Variants in SYNE3 observed in about 807,000 individuals in gnomAD.
SYNE3 encodes spectrin repeat containing nuclear envelope family member 3.
A neutral mutation model predicts 111.2 loss-of-function variants in SYNE3; 100 were observed. That is an observed-to-expected ratio of 0.90 (90% confidence interval 0.77 to 1.06). The LOEUF is 1.06. Among genes scored for constraint, SYNE3 ranks in the 50% least tolerant of loss-of-function variants. The probability of loss-of-function intolerance (pLI) is 0.00; values close to 1 mark genes in which losing one functional copy is unlikely to be tolerated. For synonymous variants in SYNE3, 547 were observed against 533.9 expected, an observed-to-expected ratio of 1.02 and a Z score of -0.34; for missense variants, 1,160 against 1,240.3, an observed-to-expected ratio of 0.94 and a Z score of 0.97.
At chr14:95,503,695 T>G (rs1258792798) in intron 1 of SYNE3, among the ~76,000 whole-genome samples, 1 of 137,844 alleles carries the variant, frequency 7.3e-6, no homozygotes, top group Non-Finnish European at 1.5e-5. Context: ...CACAGTTCAC[T>G]ACAGCCTCGA....
intron 1 of SYNE3, among the ~76,000 whole-genome samples, chr14:95,481,781 C>T (rs1419520536): frequency 1.3e-5 from 2 of 152,224 alleles, no homozygotes; most frequent in African/African-American, 4.8e-5. Flanking sequence ...ATCTGGACAC[C>T]AGCTCCCTTT....
intron 4 of SYNE3, among the ~76,000 whole-genome samples, chr14:95,457,766 C>T (rs1031761640): frequency 2.0e-5 from 3 of 152,176 alleles, no homozygotes; most frequent in Non-Finnish European, 2.9e-5. Context: ...CTGACCACTC[C>T]ATAAGGGGGT....
chr14:95,409,217 A>T lies in SYNE3; in HGVS notation c.*8609T>A. The T allele has an allele frequency of 2.2e-6, 1 of 456,764 alleles. No individual in the cohort carries two copies. Among genetic ancestry groups the T allele is most frequent in the Non-Finnish European group, 4.4e-6 (1 of 226,974 alleles). The allele number at this position is 456,764 out of a possible 1,614,324, so 28.3% of individuals were successfully genotyped here. A position where few individuals can be genotyped will look rare whatever the true frequency, so the allele number is the denominator to read the frequency against. On this transcript the variant is annotated 3_prime_UTR_variant, in exon 18 of 18. Coordinates refer to ENST00000682763, the MANE Select transcript of SYNE3 (RefSeq NM_152592.6). ...GTCCCAAATTTACCACTCCCCGCCTAGCTGGCTGCTCTGAGGCAGGCTGCT... is the reference window on the plus strand; with the variant it reads ...GTCCCAAATTTACCACTCCCCGCCTTGCTGGCTGCTCTGAGGCAGGCTGCT...
intron 17 of SYNE3, among the ~76,000 whole-genome samples, chr14:95,431,474 A>G (rs185674243): frequency 5.9e-5 from 9 of 152,354 alleles, no homozygotes; most frequent in Non-Finnish European, 1.5e-5. Context: ...TGGCCAATAC[A>G]TAGCATCTCG....
At chr14:95,468,051 G>A (rs1888304438) in intron 2 of SYNE3, 84 bp from the exon 3 acceptor site, 2 of 1,467,580 alleles carry the variant, frequency 1.4e-6, no homozygotes, top group Admixed American at 2.1e-5. Flanking sequence ...ATGGTGCAAA[G>A]AGCCAGGACT....
At chr14:95,494,202 A>G (rs1218205748) in intron 1 of SYNE3, among the ~76,000 whole-genome samples, 1 of 152,170 alleles carries the variant, frequency 6.6e-6, no homozygotes, top group Non-Finnish European at 1.5e-5. Flanking sequence ...CGGTGCCACT[A>G]GGGCCTATAG....
intron 11 of SYNE3, among the ~76,000 whole-genome samples, chr14:95,442,601 T>G (rs1376261922): frequency 6.6e-6 from 1 of 152,156 alleles, no homozygotes; most frequent in Non-Finnish European, 1.5e-5. Context: ...TTTCCACTTG[T>G]CCTCAGGCCA....
At chr14:95,428,340 T>TG (rs1200832968) in intron 17 of SYNE3, among the ~76,000 whole-genome samples, 1 of 152,100 alleles carries the variant, frequency 6.6e-6, no homozygotes, top group East Asian at 1.9e-4. Flanking sequence ...AATCTCAGGT[T>TG]GGGGGTGACG....
intron 10 of SYNE3, chr14:95,444,224 A>G (rs1035429540): frequency 8.3e-6 from 4 of 479,568 alleles, no homozygotes; most frequent in East Asian, 3.2e-5. Flanking sequence ...ACAAATACCA[A>G]TGTTAGACTT....
chr14:95,459,058 A>C (rs1193751447), intron 4 of SYNE3, among the ~76,000 whole-genome samples: 1 of 152,212 alleles, frequency 6.6e-6, no homozygotes, highest in African/African-American at 2.4e-5. Context: ...TGTTTCTGTC[A>C]AGGGCCACCC....
chr14:95,433,307 G>A lies in SYNE3; in HGVS notation c.2641C>T (p.Gln881Ter). 6.2e-7 allele frequency: 1 copy of A among 1,614,176 alleles called. No homozygotes were observed. The highest frequency in any genetic ancestry group is 8.5e-7 in the Non-Finnish European group (1 of 1,180,026). ...TSDELEDLRY[Q>*]WMLYKSKLKD... ...AGCTTGGACTTGTACAGCATCCACTGGTAGCGCAGATCTTCCAGCTCATCC... is the reference window on the plus strand; with the variant it reads ...AGCTTGGACTTGTACAGCATCCACTAGTAGCGCAGATCTTCCAGCTCATCC... The change falls in exon 16 of 18, where the codon CAG (glutamine) becomes TAG (stop). Residue 881 changes from glutamine to a stop codon, truncating the protein, a stop_gained. Transcript: ENST00000682763. LOFTEE classifies it high-confidence loss of function.
rs1279922163 is a variant in SYNE3 at position 95,433,244 on chromosome 14, C to T, written c.2688+16G>A. ...CTGTCCCTGGAATCTGGGACCTGCA[C>T]ATCCTTGGCACCTACCAGCAGGTGG... On this transcript the variant is annotated intron_variant, in intron 16 of 17. Transcript: ENST00000682763. The T allele has an allele frequency of 8.1e-6, 13 of 1,610,892 alleles. No individual in the cohort carries two copies. Among genetic ancestry groups the T allele is most frequent in the Non-Finnish European group, 1.1e-5 (13 of 1,178,190 alleles).
intron 9 of SYNE3, among the ~76,000 whole-genome samples, chr14:95,445,679 T>C (rs1449406518): frequency 6.6e-6 from 1 of 152,202 alleles, no homozygotes; most frequent in Non-Finnish European, 1.5e-5. Context: ...GGGACAGGGC[T>C]GGGAGGCAGA....
chr14:95,468,085 C>T (rs1888306226), intron 2 of SYNE3, 118 bp from the exon 3 acceptor site: 10 of 1,198,558 alleles, frequency 8.3e-6, no homozygotes, highest in Non-Finnish European at 9.1e-6. Context: ...ATCTGGGATT[C>T]ACATCACAGC....
At chr14:95,455,905 C>G in intron 5 of SYNE3, 181 bp from the exon 6 acceptor site, 1 of 593,208 alleles carries the variant, frequency 1.7e-6, no homozygotes, top group East Asian at 2.8e-5. Flanking sequence ...GACTCACAAC[C>G]TGAGAACCCT....
At chr14:95,509,602 G>A (rs990399397) in intron 1 of SYNE3, among the ~76,000 whole-genome samples, 5 of 152,226 alleles carry the variant, frequency 3.3e-5, no homozygotes, top group Admixed American at 3.3e-4. Context: ...CCCAGGTGAA[G>A]GTCAAATGCA....
In SYNE3 at chr14:95,447,245, T is replaced by G. The variant is rs954720697; in HGVS notation, c.1450-1154A>C. ...ACCTCCTGGGTTCACGCCATTCTCC[T>G]GCCTCAGCCTCCCGAGTAGCTGGGA... On this transcript the variant is annotated intron_variant, in intron 8 of 17. Coordinates refer to ENST00000682763, the MANE Select transcript of SYNE3 (RefSeq NM_152592.6). Among the ~76,000 whole-genome samples, 77 of 151,496 alleles carry G rather than the reference T, an allele frequency of 5.1e-4. 1 individual carries two copies. The highest frequency in any genetic ancestry group is 1.9e-4 in the Non-Finnish European group (13 of 67,954).
In SYNE3 at chr14:95,513,558, T is replaced by G. The variant is rs140975979; in HGVS notation, c.-15+3038A>C. ...CCCAAAAGGGAAGTATTTCAAGAGG[T>G]CAAAATTAGGGCATCAGCTTCCCAA... On this transcript the variant is annotated intron_variant, in intron 1 of 17. Coordinates refer to ENST00000682763, the MANE Select transcript of SYNE3 (RefSeq NM_152592.6). Among the ~76,000 whole-genome samples the G allele has an allele frequency of 1.2e-3, 180 of 151,636 alleles. 1 individual carries two copies. Among genetic ancestry groups the G allele is most frequent in the Middle Eastern group, 6.8e-3 (2 of 294 alleles).
chr14:95,504,558 T>A (rs575278789), intron 1 of SYNE3, among the ~76,000 whole-genome samples: 1 of 152,180 alleles, frequency 6.6e-6, no homozygotes, highest in Non-Finnish European at 1.5e-5. Context: ...CTAAGCTGAG[T>A]TCCCCCCACA....
Sources: allele counts gnomAD v4.1 joint callset (sites outside exome capture counted in the v4.1 genomes callset), GRCh38; gene constraint gnomAD v4.1.1; transcripts MANE v1.5; gene names NCBI Gene and HGNC (gene_info 2026-07-23, HGNC 2026-07-21).